Variants in CACNA1B observed in about 807,000 individuals in gnomAD.
CACNA1B encodes the protein calcium voltage-gated channel subunit alpha1 B.
Under a neutral mutation model 247.2 loss-of-function variants are expected in CACNA1B, and 70 were observed. The observed-to-expected ratio is 0.28, with a 90% CI of 0.23 to 0.35. The LOEUF is 0.35. Among genes scored for constraint, CACNA1B ranks in the 10% least tolerant of loss-of-function variants. CACNA1B has a pLI of 1.00. For synonymous variants in CACNA1B, 1,231 were observed against 1,294.4 expected (o/e 0.95, Z 1.05); for missense variants, 2,367 against 3,197.4 (o/e 0.74, Z 6.26).
In CACNA1B at chr9:138,058,464, T is replaced by C. The variant is rs2278975; in HGVS notation, c.4309-105T>C. 0.059 allele frequency: 65,110 copies of C among 1,106,310 alleles called. 14,690 individuals are homozygous for C. The African/African-American group carries it at 0.64, about 11-fold the overall frequency. 68.5% of individuals were successfully genotyped at this position (1,106,310 alleles called of 1,614,324 possible). A position where few individuals can be genotyped will look rare whatever the true frequency, so the allele number is the denominator to read the frequency against. On this transcript the variant is annotated intron_variant, in intron 28 of 46. Coordinates refer to ENST00000371372, the MANE Select transcript of CACNA1B (RefSeq NM_000718.4). This position sits in a 1 kb window ranked among gnomAD's most constrained non-coding sequence, Gnocchi z 4.7. ...TGGGCTGCTTCAATTTGTCTTCTGT[T>C]GTCAGGGCTCCCTGTGAGGCCTGGC...
chr9:138,072,608 A>C lies in CACNA1B; in HGVS notation c.4675-880A>C, dbSNP rs1960170934. 6.6e-6 allele frequency among the ~76,000 whole-genome samples: 1 copy of C among 152,250 alleles called. No homozygotes were observed. The highest frequency in any genetic ancestry group is 1.5e-5 in the Non-Finnish European group (1 of 68,046). Reference sequence around the variant, plus strand: ...GTGGGCACCTGACCTCTAGGTAGACAGAGGGCAGAAAGCCTCCTGGGTCCA... The same window carrying C: ...GTGGGCACCTGACCTCTAGGTAGACCGAGGGCAGAAAGCCTCCTGGGTCCA... On this transcript the variant is annotated intron_variant, in intron 32 of 46. Transcript: ENST00000371372. This position sits in a 1 kb window ranked among gnomAD's most constrained non-coding sequence, Gnocchi z 4.5.
chr9:138,109,410 G>A (rs759836220), intron 39 of CACNA1B, among the ~76,000 whole-genome samples: 1 of 152,246 alleles, frequency 6.6e-6, no homozygotes, highest in Non-Finnish European at 1.5e-5. Flanking sequence ...CCAAGAGTTT[G>A]TGTTTGTGAG....
At chr9:138,039,495 A>G (rs1482006581) in intron 20 of CACNA1B, among the ~76,000 whole-genome samples, 1 of 152,168 alleles carries the variant, frequency 6.6e-6, no homozygotes, top group Admixed American at 6.5e-5. Context: ...TACTCTAAGT[A>G]ATTTTCTGTA....
intron 15 of CACNA1B, among the ~76,000 whole-genome samples, chr9:137,994,253 T>G (rs1302319957): frequency 1.3e-5 from 2 of 152,090 alleles, no homozygotes; most frequent in Non-Finnish European, 2.9e-5. Context: ...ACTGAACCAG[T>G]AAAAGTTTGA....
rs575733191 is a variant in CACNA1B at position 137,981,131 on chromosome 9, C to T, written c.1657-3007C>T. Among the ~76,000 whole-genome samples the T allele has an allele frequency of 4.6e-5, 7 of 152,314 alleles. No individual in the cohort carries two copies. The East Asian group carries it at 7.7e-4, about 17-fold the overall frequency. On this transcript the variant is annotated intron_variant, in intron 12 of 46. Coordinates refer to ENST00000371372, the MANE Select transcript of CACNA1B (RefSeq NM_000718.4). ...ATTCCCACCAACATCCCCTTTTCTCCGTAGCTTCGCCAACATCTGTTATTT... is the reference window on the plus strand; with the variant it reads ...ATTCCCACCAACATCCCCTTTTCTCTGTAGCTTCGCCAACATCTGTTATTT...
At chr9:138,056,886 T>C (rs1752668117) in intron 26 of CACNA1B, among the ~76,000 whole-genome samples, 1 of 151,674 alleles carries the variant, frequency 6.6e-6, no homozygotes. Context: ...TTGTATATCT[T>C]CTTTGGAGGA....
rs138651598 is a variant in CACNA1B at position 137,917,272 on chromosome 9, C to T, written c.807C>T (p.Gly269=). 2.5e-6 allele frequency: 4 copies of T among 1,613,642 alleles called. No homozygotes were observed. Among genetic ancestry groups the T allele is most frequent in the Non-Finnish European group, 3.4e-6 (4 of 1,179,704 alleles). Residue 269 remains glycine (G), a synonymous_variant, in exon 6 of 47, where the codon GGC becomes GGT. Coordinates refer to ENST00000371372, the MANE Select transcript of CACNA1B (RefSeq NM_000718.4). The surrounding 1 kb of genome is among the most constrained non-coding windows in gnomAD (Gnocchi z 5.5). ...DAEPVGDFPC[G]KEAPARLCEG... ...AGCCCGTGGGTGACTTCCCCTGTGGCAAGGAGGCCCCAGCCCGGCTGTGCG... is the reference window on the plus strand; with the variant it reads ...AGCCCGTGGGTGACTTCCCCTGTGGTAAGGAGGCCCCAGCCCGGCTGTGCG...
At chr9:137,924,413 C>G (rs1050129142) in intron 6 of CACNA1B, among the ~76,000 whole-genome samples, 1 of 149,614 alleles carries the variant, frequency 6.7e-6, no homozygotes, top group African/African-American at 2.5e-5. Context: ...TCCTGTAGCT[C>G]CAACACCCCT....
chr9:138,042,225 G>A (rs1959133234), intron 20 of CACNA1B, among the ~76,000 whole-genome samples: 2 of 152,222 alleles, frequency 1.3e-5, no homozygotes, highest in African/African-American at 2.4e-5. Context: ...CAAGAAGGGC[G>A]GATCATTTGA....
At chr9:138,061,293 A>G (rs1211881807) in intron 31 of CACNA1B, among the ~76,000 whole-genome samples, 1 of 152,140 alleles carries the variant, frequency 6.6e-6, no homozygotes, top group East Asian at 1.9e-4. Flanking sequence ...GTGTGGTAGA[A>G]GCCTTCTCCA....
chr9:137,927,157 CTT>C (rs1564193209), intron 6 of CACNA1B, among the ~76,000 whole-genome samples: 1 of 151,508 alleles, frequency 6.6e-6, no homozygotes, highest in African/African-American at 2.4e-5. Context: ...AAGAGTTTTA[CTT>C]TTTTTAGGTC....
intron 40 of CACNA1B, among the ~76,000 whole-genome samples, chr9:138,113,197 C>A (rs902805080): frequency 8.1e-4 from 98 of 121,676 alleles, no homozygotes; most frequent in African/African-American, 2.8e-3. Flanking sequence ...GACGTGCACA[C>A]CTCCTTCTTT....
chr9:138,043,794 A>C lies in CACNA1B; in HGVS notation c.3307A>C (p.Ser1103Arg), dbSNP rs774656368. ...VVPSGNVDLESQAEGKKEVEA... is the reference protein window; with the variant it reads ...VVPSGNVDLERQAEGKKEVEA... ...TGTAGGTGGTAACGTGGACCTGGAA[A>C]GCCAAGCAGAGGGGAAGAAGGAGGT... The change falls in exon 21 of 47, where the codon AGC becomes CGC. Residue 1103 changes from serine to arginine, a missense_variant. Ser to Arg is a moderately radical substitution (Grantham distance 110). This residue lies in a region of CACNA1B where 631 missense variants were observed against 631.1 expected (regional missense o/e 1.00). Transcript: ENST00000371372. 1 of 1,613,900 alleles carries C rather than the reference A, an allele frequency of 6.2e-7. No individual in the cohort carries two copies. The highest frequency in any genetic ancestry group is 8.5e-7 in the Non-Finnish European group (1 of 1,179,854).
intron 3 of CACNA1B, among the ~76,000 whole-genome samples, chr9:137,905,666 T>C (rs1957291191): frequency 6.6e-6 from 1 of 152,240 alleles, no homozygotes; most frequent in East Asian, 1.9e-4. Context: ...CATTGTATAT[T>C]TTAAATTCAA....
At position 138,054,648 on chromosome 9, in the gene CACNA1B, C is replaced by A. The variant is rs142280927; in HGVS notation, c.3968+642C>A. ...CAGCTGGGAATGCTGCACGTGCACA[C>A]GTCCGCCAGGGAGCAGTAGCAGTTT... On this transcript the variant is annotated intron_variant, in intron 26 of 46. Transcript: ENST00000371372. This position sits in a 1 kb window ranked among gnomAD's most constrained non-coding sequence, Gnocchi z 4.6. Among the ~76,000 whole-genome samples the A allele has an allele frequency of 6.6e-6, 1 of 152,224 alleles. No homozygotes were observed. The highest frequency in any genetic ancestry group is 1.5e-5 in the Non-Finnish European group (1 of 68,040).
chr9:137,998,368 T>C (rs1958523732), intron 15 of CACNA1B, among the ~76,000 whole-genome samples: 1 of 152,204 alleles, frequency 6.6e-6, no homozygotes, highest in Non-Finnish European at 1.5e-5. Flanking sequence ...CCCAGCACTT[T>C]GGGAGGCCGA....
intron 6 of CACNA1B, among the ~76,000 whole-genome samples, chr9:137,922,368 G>C (rs1469256053): frequency 1.3e-5 from 2 of 151,134 alleles, no homozygotes; most frequent in South Asian, 4.2e-4. Flanking sequence ...AGAGTAAAGC[G>C]TTCGGAGAAC....
chr9:138,021,486 A>C (rs1958844372), intron 18 of CACNA1B, among the ~76,000 whole-genome samples: 1 of 152,196 alleles, frequency 6.6e-6, no homozygotes, highest in Admixed American at 6.5e-5. Context: ...GGGCTTTCCC[A>C]CATCTGGCTG....
intron 46 of CACNA1B, 70 bp downstream of exon 46, chr9:138,120,951 C>T: frequency 6.8e-7 from 1 of 1,478,820 alleles, no homozygotes; most frequent in Non-Finnish European, 9.0e-7. Context: ...GTCCCACAGG[C>T]TCCTGCCTCT....
Sources: allele counts gnomAD v4.1 joint callset (sites outside exome capture counted in the v4.1 genomes callset), GRCh38; gene constraint gnomAD v4.1.1; regional missense constraint gnomAD v4.1.1; non-coding constraint Gnocchi (gnomAD v3.1); transcripts MANE v1.5; gene names NCBI Gene and HGNC (gene_info 2026-07-23, HGNC 2026-07-21).